Variants in ZFHX3 observed in about 807,000 individuals in gnomAD.
ZFHX3 encodes the protein zinc finger homeobox protein 3.
In ZFHX3, 42 loss-of-function variants were observed where a neutral mutation model predicts 279.1. The ratio of observed to expected loss-of-function variants is 0.15; its 90% confidence interval spans 0.12 to 0.19. The LOEUF (loss-of-function observed/expected upper bound fraction) is 0.19, where lower values mean the gene tolerates loss of function less well. Among genes scored for constraint, ZFHX3 ranks in the 10% least tolerant of loss-of-function variants. The probability of loss-of-function intolerance (pLI) is 1.00; values close to 1 mark genes in which losing one functional copy is unlikely to be tolerated. For synonymous variants in ZFHX3, 2,293 were observed against 1,957.8 expected, an observed-to-expected ratio of 1.17 and a Z score of -4.52; for missense variants, 4,981 against 4,754.0, an observed-to-expected ratio of 1.05 and a Z score of -1.40.
chr16:72,817,321 A>G (rs1157466509), intron 5 of ZFHX3, among the ~76,000 whole-genome samples: 2 of 152,222 alleles, frequency 1.3e-5, no homozygotes, highest in Non-Finnish European at 1.5e-5. Context: ...TTGTGCTTGC[A>G]ATCCCAGTGG....
At chr16:73,707,943 T>G (rs2053320965) in intron 1 of ZFHX3, among the ~76,000 whole-genome samples, 1 of 152,028 alleles carries the variant, frequency 6.6e-6, no homozygotes, top group African/African-American at 2.4e-5. Flanking sequence ...ACTTGAAACT[T>G]TTTATATTAT....
chr16:73,177,173 G>GCCAACCAA, intron 5 of ZFHX3, among the ~76,000 whole-genome samples: 1 of 151,772 alleles, frequency 6.6e-6, no homozygotes, highest in East Asian at 1.9e-4. Flanking sequence ...CAACCAACCA[G>GCCAACCAA]CCAACCAACC....
chr16:73,017,031 G>C (rs1237930237), intron 1 of ZFHX3, among the ~76,000 whole-genome samples: 4 of 151,978 alleles, frequency 2.6e-5, no homozygotes, highest in Non-Finnish European at 5.9e-5. Flanking sequence ...TTCAAGACCA[G>C]ACTAGGCAAT....
intron 5 of ZFHX3, among the ~76,000 whole-genome samples, chr16:73,196,270 C>T (rs1968147933): frequency 6.6e-6 from 1 of 151,280 alleles, no homozygotes; most frequent in African/African-American, 2.4e-5. Flanking sequence ...AATGGGATAT[C>T]TAGAGCTTCC....
chr16:73,656,937 T>C (rs1007845669), intron 2 of ZFHX3, among the ~76,000 whole-genome samples: 1 of 152,240 alleles, frequency 6.6e-6, no homozygotes, highest in Non-Finnish European at 1.5e-5. Flanking sequence ...GAAATGCAAA[T>C]CCTGGGATAG....
chr16:73,756,121 T>C (rs773840820), intron 1 of ZFHX3, among the ~76,000 whole-genome samples: 7 of 152,194 alleles, frequency 4.6e-5, no homozygotes, highest in Non-Finnish European at 8.8e-5. Context: ...AGAAAATCAA[T>C]GAAGAGTTAC....
At chr16:73,561,448 A>C (rs1434707336) in intron 2 of ZFHX3, among the ~76,000 whole-genome samples, 1 of 152,248 alleles carries the variant, frequency 6.6e-6, no homozygotes, top group East Asian at 1.9e-4. Context: ...ACAAGAGTTA[A>C]ATACTTACAT....
At chr16:73,801,039 G>A (rs186654515) in intron 1 of ZFHX3, among the ~76,000 whole-genome samples, 7 of 152,284 alleles carry the variant, frequency 4.6e-5, no homozygotes, top group Admixed American at 4.6e-4. Context: ...CAACAGCATT[G>A]ACACTGCCTG....
chr16:73,714,358 A>G (rs546936141), intron 1 of ZFHX3, among the ~76,000 whole-genome samples: 67 of 152,224 alleles, frequency 4.4e-4, no homozygotes, highest in African/African-American at 1.6e-3. Context: ...TTTCCCTTGG[A>G]AAGGACACAT....
chr16:73,474,143 T>TTATG (rs34665794), intron 2 of ZFHX3, among the ~76,000 whole-genome samples: 13,807 of 151,992 alleles, frequency 0.091, 952 homozygotes, highest in Admixed American at 0.24. Context: ...ATTTATTTAT[T>TTATG]TATTTATTTA....
chr16:73,645,423 A>AT (rs1409533781), intron 2 of ZFHX3, among the ~76,000 whole-genome samples: 1 of 151,944 alleles, frequency 6.6e-6, no homozygotes, highest in African/African-American at 2.4e-5. Flanking sequence ...CACCCGGCTA[A>AT]TTTTTTGTAT....
intron 4 of ZFHX3, among the ~76,000 whole-genome samples, chr16:73,258,093 A>G (rs1419168215): frequency 6.6e-6 from 1 of 152,150 alleles, no homozygotes; most frequent in African/African-American, 2.4e-5. Flanking sequence ...AGTAGTAACT[A>G]CTATTTTTTA....
At chr16:73,385,651 T>C (rs574922661) in intron 3 of ZFHX3, among the ~76,000 whole-genome samples, 3 of 152,304 alleles carry the variant, frequency 2.0e-5, no homozygotes, top group African/African-American at 4.8e-5. Flanking sequence ...GTGGCAGCTA[T>C]ACAGCAAATG....
At chr16:73,666,863 T>C (rs909775119) in intron 2 of ZFHX3, among the ~76,000 whole-genome samples, 4 of 152,004 alleles carry the variant, frequency 2.6e-5, no homozygotes, top group African/African-American at 9.7e-5. Context: ...ATCTGCAGCA[T>C]GGAGATGTTT....
chr16:73,367,421 G>A (rs948913288), intron 3 of ZFHX3, among the ~76,000 whole-genome samples: 3 of 152,122 alleles, frequency 2.0e-5, no homozygotes, highest in Non-Finnish European at 4.4e-5. Flanking sequence ...CATGTTTCAC[G>A]GCTTTTGAAT....
At position 73,143,833 on chromosome 16, in the gene ZFHX3, T is replaced by C; in HGVS notation, c.-1103-2A>G. Reference sequence around the variant, plus strand: ...GGGTTGTAACTTATATCTTCCGAGCTGAAGAAGAAAAGAAAGGACAAAAAC... The same window carrying C: ...GGGTTGTAACTTATATCTTCCGAGCCGAAGAAGAAAAGAAAGGACAAAAAC... On this transcript the variant is annotated splice_acceptor_variant, in intron 5 of 17. Coordinates refer to the ZFHX3 transcript ENST00000641206. LOFTEE classifies it low-confidence loss of function (5UTR_SPLICE). The C allele has an allele frequency of 2.3e-6, 3 of 1,281,588 alleles. No individual in the cohort carries two copies. Among genetic ancestry groups the C allele is most frequent in the Non-Finnish European group, 2.1e-6 (2 of 971,074 alleles). 79.4% of individuals were successfully genotyped at this position (1,281,588 alleles called of 1,614,324 possible).
At chr16:73,719,736 C>T (rs1597080917) in intron 1 of ZFHX3, among the ~76,000 whole-genome samples, 1 of 152,090 alleles carries the variant, frequency 6.6e-6, no homozygotes, top group Non-Finnish European at 1.5e-5. Context: ...GGGGTTCAAG[C>T]GATTCTCCTG....
At position 72,838,206 on chromosome 16, in the gene ZFHX3, A is replaced by G. The variant is rs114037632; in HGVS notation, c.3449-8347T>C. 8.5e-3 allele frequency among the ~76,000 whole-genome samples: 1,289 copies of G among 152,268 alleles called. 21 individuals are homozygous for G. The highest frequency in any genetic ancestry group is 0.026 in the African/African-American group (1,086 of 41,550). ...TCTAAGAATCAACACTCTGAAAGCA[A>G]CTCTGGGTATTATTAAAAATGACTA... On this transcript the variant is annotated intron_variant, in intron 4 of 9. Coordinates refer to ENST00000268489, the MANE Select transcript of ZFHX3 (RefSeq NM_006885.4).
At chr16:73,105,000 C>A (rs540412990) in intron 7 of ZFHX3, among the ~76,000 whole-genome samples, 2 of 152,078 alleles carry the variant, frequency 1.3e-5, no homozygotes, top group Non-Finnish European at 2.9e-5. Flanking sequence ...AAGCATCCTG[C>A]GGAGGGAAGA....
Sources: allele counts gnomAD v4.1 joint callset (sites outside exome capture counted in the v4.1 genomes callset), GRCh38; gene constraint gnomAD v4.1.1; transcripts MANE v1.5; gene names NCBI Gene and HGNC (gene_info 2026-07-23, HGNC 2026-07-21).